Variants in DLC1 observed in about 807,000 individuals in gnomAD.
DLC1 encodes the protein DLC1 Rho GTPase activating protein.
In DLC1, 54 loss-of-function variants were observed where a neutral mutation model predicts 140.3. That is an observed-to-expected ratio of 0.38 (90% CI 0.31 to 0.48). DLC1 has a LOEUF of 0.48. DLC1 is among the 20% of genes least tolerant of loss of function. DLC1 has a pLI of 0.96. For missense variants in DLC1, 2,536 were observed against 1,907.0 expected (o/e 1.33, Z -6.14); for synonymous variants, 986 against 728.1 (o/e 1.35, Z -5.70).
chr8:13,186,170 A>G (rs945660929), intron 5 of DLC1, among the ~76,000 whole-genome samples: 2 of 152,042 alleles, frequency 1.3e-5, no homozygotes, highest in African/African-American at 2.4e-5. Context: ...TGTTCTCTGT[A>G]TTTCCTGAAA....
At chr8:13,101,307 G>T (rs1042181436) in intron 8 of DLC1, among the ~76,000 whole-genome samples, 2 of 152,146 alleles carry the variant, frequency 1.3e-5, no homozygotes, top group Admixed American at 6.5e-5. Context: ...CTATTTTATG[G>T]AAACTCTGGG....
At chr8:13,357,259 A>G (rs2444945) in intron 4 of DLC1, among the ~76,000 whole-genome samples, 74,024 of 151,968 alleles carry the variant, frequency 0.49, 18,832 homozygotes, top group East Asian at 0.81. Context: ...CAACAGAGTG[A>G]GAGTCTGTCA....
intron 1 of DLC1, among the ~76,000 whole-genome samples, chr8:13,560,560 G>T (rs1804206105): frequency 1.3e-5 from 2 of 152,164 alleles, no homozygotes; most frequent in Non-Finnish European, 2.9e-5. Context: ...AAAGCAGATT[G>T]TGTAATTAGC....
intron 2 of DLC1, among the ~76,000 whole-genome samples, chr8:13,427,101 C>G (rs1294345438): frequency 1.3e-5 from 2 of 152,116 alleles, no homozygotes; most frequent in Non-Finnish European, 2.9e-5. Context: ...AGAAATGTGT[C>G]TTTTACACAT....
intron 2 of DLC1, among the ~76,000 whole-genome samples, chr8:13,469,070 C>T (rs963550389): frequency 1.3e-5 from 2 of 152,100 alleles, no homozygotes; most frequent in African/African-American, 4.8e-5. Context: ...CTGCCTGCCT[C>T]AGCCTCCCAA....
At chr8:13,538,955 A>C (rs928819959) in intron 1 of DLC1, among the ~76,000 whole-genome samples, 1 of 151,826 alleles carries the variant, frequency 6.6e-6, no homozygotes, top group Non-Finnish European at 1.5e-5. Flanking sequence ...TTTTTCTCTC[A>C]CTCTTAAAAT....
chr8:13,420,578 A>C, intron 2 of DLC1, among the ~76,000 whole-genome samples: 1 of 151,878 alleles, frequency 6.6e-6, no homozygotes, highest in Admixed American at 6.6e-5. Flanking sequence ...AACCCCTGAC[A>C]GGCCCGGGTG....
chr8:13,127,990 T>G (rs2128960607), intron 5 of DLC1, among the ~76,000 whole-genome samples: 1 of 151,636 alleles, frequency 6.6e-6, no homozygotes, highest in South Asian at 2.1e-4. Flanking sequence ...TAGAGAAATG[T>G]ATAAAATGAA....
Position 13,375,617 on chromosome 8 carries a change from C to T in DLC1, c.1314+17936G>A, listed in dbSNP as rs141645582. Among the ~76,000 whole-genome samples the T allele has an allele frequency of 2.7e-4, 41 of 152,208 alleles. No individual in the cohort carries two copies. The East Asian group carries it at 7.6e-3, about 28-fold the overall frequency. ...TCAAAGGGAATGCTTCCAGTTTTTG[C>T]CCATTCAGTATGATATTGGCTGTGG... On this transcript the variant is annotated intron_variant, in intron 4 of 17. Coordinates refer to ENST00000276297, the MANE Select transcript of DLC1 (RefSeq NM_182643.3).
At chr8:13,139,426 A>G (rs1479173956) in intron 5 of DLC1, among the ~76,000 whole-genome samples, 1 of 152,080 alleles carries the variant, frequency 6.6e-6, no homozygotes, top group Non-Finnish European at 1.5e-5. Context: ...CCAGCATAGT[A>G]CTTTCATCAT....
At chr8:13,231,640 C>T (rs567405307) in intron 5 of DLC1, among the ~76,000 whole-genome samples, 9 of 152,136 alleles carry the variant, frequency 5.9e-5, no homozygotes, top group Non-Finnish European at 1.0e-4. Flanking sequence ...ATTGTTAGAG[C>T]AGGGAAGTTC....
At chr8:13,136,778 G>A (rs754525210) in intron 5 of DLC1, among the ~76,000 whole-genome samples, 90 of 152,254 alleles carry the variant, frequency 5.9e-4, no homozygotes, top group Non-Finnish European at 1.0e-3. Flanking sequence ...CAAGTAGTCC[G>A]CCAGTCTTGG....
At chr8:13,413,256 A>ACTTTTTTTTTTTTT (rs1491415150) in intron 2 of DLC1, among the ~76,000 whole-genome samples, 2 of 82,006 alleles carry the variant, frequency 2.4e-5, no homozygotes, top group Non-Finnish European at 4.5e-5. Flanking sequence ...TTTTTTTGCG[A>ACTTTTTTTTTTTTT]TTTTTTTTTT....
At chr8:13,440,132 T>G (rs900420939) in intron 2 of DLC1, among the ~76,000 whole-genome samples, 1 of 152,180 alleles carries the variant, frequency 6.6e-6, no homozygotes, top group African/African-American at 2.4e-5. Context: ...CTTTCTTTAT[T>G]ACGAATTTTC....
chr8:13,236,093 T>C (rs935105568), intron 5 of DLC1, among the ~76,000 whole-genome samples: 3 of 152,130 alleles, frequency 2.0e-5, no homozygotes, highest in African/African-American at 4.8e-5. Context: ...ATATAAAACA[T>C]TTAAAACTAC....
chr8:13,187,461 C>G (rs1033573958), intron 5 of DLC1, among the ~76,000 whole-genome samples: 1 of 152,084 alleles, frequency 6.6e-6, no homozygotes, highest in African/African-American at 2.4e-5. Flanking sequence ...AGTATGGTAT[C>G]TTGAAAATGC....
At chr8:13,229,046 C>T (rs181064547) in intron 5 of DLC1, among the ~76,000 whole-genome samples, 33 of 152,258 alleles carry the variant, frequency 2.2e-4, no homozygotes, top group African/African-American at 7.2e-4. Flanking sequence ...AAGTTAGTAG[C>T]ATTGCCATGT....
intron 2 of DLC1, among the ~76,000 whole-genome samples, chr8:13,464,749 TATATATATATATATATTTA>T (rs1799846803): frequency 8.3e-5 from 5 of 60,590 alleles, no homozygotes; most frequent in South Asian, 4.8e-4. Flanking sequence ...TTTTAAATTA[TATATATATATATATATTTA>T]TATATATATA....
chr8:13,086,609 C>T, intron 16 of DLC1, 146 bp from the exon 17 acceptor site: 2 of 803,846 alleles, frequency 2.5e-6, no homozygotes, highest in South Asian at 1.8e-5. Flanking sequence ...TAAATGGCAT[C>T]CTCTAAACTA....
Sources: gnomAD v4.1 joint callset for allele counts (sites outside exome capture counted in the v4.1 genomes callset) on GRCh38, gnomAD v4.1.1 for gene constraint, MANE v1.5 for transcripts, NCBI Gene and HGNC (gene_info 2026-07-23, HGNC 2026-07-21) for gene names.